Variants in LUZP2 observed in about 807,000 individuals in gnomAD.
LUZP2 encodes the protein leucine zipper protein 2.
Under a neutral mutation model 51.6 loss-of-function variants are expected in LUZP2, and 52 were observed. The ratio of observed to expected loss-of-function variants is 1.01; its 90% CI spans 0.81 to 1.27. The LOEUF is 1.27. LUZP2 is among the 50% of genes most tolerant of loss of function. LUZP2 has a pLI of 0.00. For synonymous variants in LUZP2, 154 were observed against 137.3 expected (o/e 1.12, Z -0.85); for missense variants, 436 against 395.4 (o/e 1.10, Z -0.87).
At chr11:24,892,055 G>A in intron 5 of LUZP2, 2 of 985,604 alleles carry the variant, frequency 2.0e-6, no homozygotes, top group Non-Finnish European at 2.4e-6. Flanking sequence ...GTTGGCTGCT[G>A]TTCCACTGGG....
At chr11:24,551,600 T>A (rs1304944508) in intron 1 of LUZP2, among the ~76,000 whole-genome samples, 1 of 151,952 alleles carries the variant, frequency 6.6e-6, no homozygotes, top group Non-Finnish European at 1.5e-5. Flanking sequence ...GTGAAATGTA[T>A]TTCAAAAATT....
intron 1 of LUZP2, among the ~76,000 whole-genome samples, chr11:24,601,135 G>A (rs1309214763): frequency 6.6e-6 from 1 of 152,028 alleles, no homozygotes; most frequent in Non-Finnish European, 1.5e-5. Context: ...AAGTGAATAT[G>A]TCATTGCTGA....
chr11:24,996,562 C>A (rs1297049163), intron 9 of LUZP2, among the ~76,000 whole-genome samples: 1 of 147,494 alleles, frequency 6.8e-6, no homozygotes, highest in East Asian at 1.9e-4. Context: ...TATTATTTTT[C>A]TTTTTTCTTT....
intron 5 of LUZP2, among the ~76,000 whole-genome samples, chr11:24,780,126 AAC>A (rs1375431493): frequency 6.6e-5 from 10 of 152,148 alleles, no homozygotes; most frequent in African/African-American, 2.4e-4. Context: ...TTAGGAAACT[AAC>A]ACAGGTGGGG....
At chr11:24,914,252 A>C (rs1251342614) in intron 6 of LUZP2, among the ~76,000 whole-genome samples, 1 of 152,120 alleles carries the variant, frequency 6.6e-6, no homozygotes, top group Admixed American at 6.6e-5. Flanking sequence ...GACTTTCTTT[A>C]AATAACATGT....
intron 7 of LUZP2, among the ~76,000 whole-genome samples, chr11:24,947,842 C>T (rs1443150284): frequency 1.3e-5 from 2 of 151,844 alleles, no homozygotes; most frequent in East Asian, 1.9e-4. Flanking sequence ...TTGGTGTGGT[C>T]TCTTGTCCAT....
At chr11:24,893,457 C>T (rs1324270879) in intron 5 of LUZP2, 1 of 151,428 alleles carries the variant, frequency 6.6e-6, no homozygotes, top group African/African-American at 2.4e-5. Context: ...CCCTATAATA[C>T]CACTTTTATT....
chr11:24,805,007 C>CTTTTTTT (rs71044307), intron 5 of LUZP2, among the ~76,000 whole-genome samples: 5 of 141,582 alleles, frequency 3.5e-5, no homozygotes, highest in Non-Finnish European at 1.5e-5. Flanking sequence ...ACCCGGCTAA[C>CTTTTTTT]TTTTTTTTTT....
intron 4 of LUZP2, among the ~76,000 whole-genome samples, chr11:24,748,143 G>A (rs1859446133): frequency 6.6e-6 from 1 of 152,052 alleles, no homozygotes; most frequent in African/African-American, 2.4e-5. Flanking sequence ...TGTTTCCCCT[G>A]ACACCCCTCC....
intron 5 of LUZP2, among the ~76,000 whole-genome samples, chr11:24,769,151 G>A (rs79363915): frequency 0.08 from 12,220 of 152,184 alleles, 1,064 homozygotes; most frequent in African/African-American, 0.22. Flanking sequence ...GACAAATACT[G>A]CATGATGTCA....
intron 1 of LUZP2, among the ~76,000 whole-genome samples, chr11:24,636,132 G>T (rs1263351406): frequency 1.3e-5 from 2 of 152,014 alleles, no homozygotes; most frequent in Non-Finnish European, 2.9e-5. Flanking sequence ...TTTTTTATTT[G>T]TCCAATGGAA....
At chr11:24,765,554 C>A (rs546312627) in intron 5 of LUZP2, among the ~76,000 whole-genome samples, 210 of 151,836 alleles carry the variant, frequency 1.4e-3, no homozygotes, top group African/African-American at 4.9e-3. Flanking sequence ...TGTGATGTAC[C>A]ACATTTATTG....
chr11:24,724,242 G>A (rs1196811736), intron 1 of LUZP2, among the ~76,000 whole-genome samples: 1 of 152,060 alleles, frequency 6.6e-6, no homozygotes, highest in African/African-American at 2.4e-5. Context: ...TTACAAATAT[G>A]GTACTCAGTG....
intron 4 of LUZP2, among the ~76,000 whole-genome samples, chr11:24,758,482 T>C (rs778941173): frequency 5.5e-4 from 84 of 152,068 alleles, no homozygotes; most frequent in Non-Finnish European, 1.0e-3. Flanking sequence ...TAAAATCCTT[T>C]GTAGTTTTTC....
chr11:24,765,715 C>T (rs1224914045), intron 5 of LUZP2, among the ~76,000 whole-genome samples: 2 of 150,614 alleles, frequency 1.3e-5, no homozygotes, highest in Non-Finnish European at 3.0e-5. Flanking sequence ...GCAAGCTGCG[C>T]CTCCCAGGTT....
chr11:24,838,402 A>G (rs111973813), intron 5 of LUZP2, among the ~76,000 whole-genome samples: 69 of 151,770 alleles, frequency 4.5e-4, no homozygotes, highest in African/African-American at 1.6e-3. Flanking sequence ...CAAATAAGTC[A>G]CTTGTCCATG....
At chr11:24,801,524 A>G (rs1849697933) in intron 5 of LUZP2, among the ~76,000 whole-genome samples, 1 of 152,032 alleles carries the variant, frequency 6.6e-6, no homozygotes, top group Admixed American at 6.6e-5. Flanking sequence ...ATTATTTTAT[A>G]AATGAGGCTT....
At chr11:24,944,886 T>A (rs1947070037) in intron 7 of LUZP2, among the ~76,000 whole-genome samples, 2 of 152,210 alleles carry the variant, frequency 1.3e-5, no homozygotes, top group Non-Finnish European at 1.5e-5. Flanking sequence ...TGCTATTTTT[T>A]AAAAGCTGTG....
At chr11:25,040,500 CA>C (rs1858021796) in intron 9 of LUZP2, among the ~76,000 whole-genome samples, 1 of 151,914 alleles carries the variant, frequency 6.6e-6, no homozygotes, top group Non-Finnish European at 1.5e-5. Context: ...AGGTGGAAGT[CA>C]AAGAACAAAT....
Sources: allele counts gnomAD v4.1 joint callset (sites outside exome capture counted in the v4.1 genomes callset), GRCh38; gene constraint gnomAD v4.1.1; transcripts MANE v1.5; gene names NCBI Gene and HGNC (gene_info 2026-07-23, HGNC 2026-07-21).